GSE1: variants seen among roughly 807,000 people sequenced by gnomAD.
GSE1 encodes the protein Gse1 coiled-coil protein.
GSE1 carries 32 observed loss-of-function variants against 112.6 expected under a neutral mutation model. That is an observed-to-expected ratio of 0.28 (90% CI 0.21 to 0.38). The LOEUF (loss-of-function observed/expected upper bound fraction) is 0.38, where lower values mean the gene tolerates loss of function less well. Among genes scored for constraint, GSE1 ranks in the 10% least tolerant of loss-of-function variants. GSE1 has a pLI of 1.00. For synonymous variants in GSE1, 1,115 were observed against 735.6 expected (o/e 1.52, Z -8.35); for missense variants, 2,348 against 1,699.2 (o/e 1.38, Z -6.71).
At chr16:85,484,886 C>T (rs1313431118) in intron 2 of GSE1, among the ~76,000 whole-genome samples, 1 of 152,230 alleles carries the variant, frequency 6.6e-6, no homozygotes, top group African/African-American at 2.4e-5. Flanking sequence ...ACTGTGATGG[C>T]CATGTGGGTG....
chr16:85,402,139 G>A (rs1055699605), intron 2 of GSE1, among the ~76,000 whole-genome samples: 2 of 152,218 alleles, frequency 1.3e-5, no homozygotes, highest in African/African-American at 2.4e-5. Flanking sequence ...GTCCCGGAAC[G>A]CAGCTTACGG....
chr16:85,590,401 TTGTG>T (rs569114653), intron 1 of GSE1, among the ~76,000 whole-genome samples: 29 of 146,626 alleles, frequency 2.0e-4, no homozygotes, highest in South Asian at 4.4e-4. Context: ...ATGTGTGACA[TTGTG>T]TGTGTGAACA....
chr16:85,478,883 C>A (rs1567520412), intron 2 of GSE1, among the ~76,000 whole-genome samples: 1 of 63,076 alleles, frequency 1.6e-5, no homozygotes, highest in African/African-American at 1.2e-4. Context: ...TTCTTTCTTT[C>A]TTTCTTTCTT....
intron 1 of GSE1, among the ~76,000 whole-genome samples, chr16:85,173,026 G>A (rs1395395572): frequency 2.0e-5 from 3 of 152,190 alleles, no homozygotes; most frequent in African/African-American, 4.8e-5. Context: ...ATGGTCTCTC[G>A]TTTTAATTGG....
At chr16:85,176,659 G>C (rs956390060) in intron 1 of GSE1, among the ~76,000 whole-genome samples, 6 of 152,276 alleles carry the variant, frequency 3.9e-5, no homozygotes, top group African/African-American at 1.4e-4. Flanking sequence ...GGCGCATGCA[G>C]CTGTTTACCT....
intron 2 of GSE1, among the ~76,000 whole-genome samples, chr16:85,510,078 A>G (rs1310291505): frequency 6.6e-6 from 1 of 152,160 alleles, no homozygotes; most frequent in Non-Finnish European, 1.5e-5. Flanking sequence ...CCCGGGGGCC[A>G]AGCACCCCCA....
At chr16:85,174,806 G>A (rs1025201409) in intron 1 of GSE1, among the ~76,000 whole-genome samples, 1 of 152,226 alleles carries the variant, frequency 6.6e-6, no homozygotes, top group African/African-American at 2.4e-5. Context: ...CTCCGGGCAG[G>A]GGAGAAGCCT....
chr16:85,399,384 A>C (rs1049700277), intron 2 of GSE1, among the ~76,000 whole-genome samples: 2 of 152,180 alleles, frequency 1.3e-5, no homozygotes, highest in Admixed American at 6.5e-5. Context: ...CACGGCCTTC[A>C]GAGTGTCTAA....
chr16:85,200,400 G>A (rs969511115), intron 1 of GSE1, among the ~76,000 whole-genome samples: 4 of 148,476 alleles, frequency 2.7e-5, no homozygotes, highest in African/African-American at 1.0e-4. Context: ...GTGGCTGCAA[G>A]TATCCTCCAT....
intron 1 of GSE1, among the ~76,000 whole-genome samples, chr16:85,333,473 C>T (rs1212049134): frequency 6.6e-6 from 1 of 152,230 alleles, no homozygotes; most frequent in Non-Finnish European, 1.5e-5. Context: ...TGCAGCCCGG[C>T]CTCGGGCCCT....
intron 1 of GSE1, among the ~76,000 whole-genome samples, chr16:85,234,317 C>T (rs988286611): frequency 5.3e-5 from 8 of 152,132 alleles, no homozygotes; most frequent in Admixed American, 2.0e-4. Context: ...AGCTTTGGGG[C>T]CTCTCTGGGC....
intron 14 of GSE1, among the ~76,000 whole-genome samples, chr16:85,670,191 TAGATC>T (rs1253950115): frequency 6.6e-6 from 1 of 152,248 alleles, no homozygotes; most frequent in Non-Finnish European, 1.5e-5. Flanking sequence ...GATTATTCCT[TAGATC>T]AGAGGAATCA....
intron 2 of GSE1, among the ~76,000 whole-genome samples, chr16:85,460,885 A>G (rs2049950996): frequency 1.3e-5 from 2 of 152,224 alleles, no homozygotes. Flanking sequence ...GTGGGCTGCA[A>G]ATCAGGACGT....
At chr16:85,404,175 A>C (rs2048193989) in intron 2 of GSE1, among the ~76,000 whole-genome samples, 1 of 95,096 alleles carries the variant, frequency 1.1e-5, no homozygotes, top group Non-Finnish European at 2.1e-5. Flanking sequence ...CCCCCGGATA[A>C]TCCTCACCGT....
intron 1 of GSE1, among the ~76,000 whole-genome samples, chr16:85,292,927 T>C (rs930000553): frequency 5.3e-5 from 8 of 152,186 alleles, no homozygotes; most frequent in Admixed American, 5.2e-4. Context: ...CAAATTAAAT[T>C]GCTTTATTTT....
intron 1 of GSE1, among the ~76,000 whole-genome samples, chr16:85,624,359 G>A (rs529973132): frequency 3.3e-4 from 50 of 152,206 alleles, no homozygotes; most frequent in Non-Finnish European, 6.3e-4. Flanking sequence ...CAGGGCACCC[G>A]GGGGCGGTTC....
intron 1 of GSE1, among the ~76,000 whole-genome samples, chr16:85,217,376 A>T (rs1227915425): frequency 6.6e-6 from 1 of 152,158 alleles, no homozygotes; most frequent in Non-Finnish European, 1.5e-5. Context: ...GGCCAGAAGA[A>T]GCCGCCACGC....
rs2045831165 is a variant in GSE1 at position 85,311,117 on chromosome 16, A to G, written c.2284-46346A>G. Among the ~76,000 whole-genome samples the G allele has an allele frequency of 6.6e-6, 1 of 152,198 alleles. No individual in the cohort carries two copies. The highest frequency in any genetic ancestry group is 2.4e-5 in the African/African-American group (1 of 41,460). On this transcript the variant is annotated intron_variant, in intron 1 of 2. Transcript: ENST00000637419. This position sits in a 1 kb window ranked among gnomAD's most constrained non-coding sequence, Gnocchi z 4.2. ...GCATCTGACAGCCGTGGAGGACGGC[A>G]GAGGGGAGGGCAGCCTGCTCCGTGG...
intron 2 of GSE1, among the ~76,000 whole-genome samples, chr16:85,512,405 C>T (rs2051778344): frequency 6.6e-6 from 1 of 152,304 alleles, no homozygotes; most frequent in Admixed American, 6.5e-5. Context: ...TCCACACTCG[C>T]CGTGCTTCTG....
Sources: allele counts gnomAD v4.1 joint callset (sites outside exome capture counted in the v4.1 genomes callset), GRCh38; gene constraint gnomAD v4.1.1; non-coding constraint Gnocchi (gnomAD v3.1); transcripts MANE v1.5; gene names NCBI Gene and HGNC (gene_info 2026-07-23, HGNC 2026-07-21).